MDN1: variants seen among roughly 807,000 people sequenced by gnomAD.
MDN1 encodes the protein midasin.
MDN1 carries 266 observed loss-of-function variants against 669.2 expected under a neutral mutation model. The observed-to-expected ratio is 0.40, with a 90% CI of 0.36 to 0.44. MDN1 has a LOEUF of 0.44. MDN1 is among the 20% of genes least tolerant of loss of function. MDN1 has a pLI of 1.00. For synonymous variants in MDN1, 2,385 were observed against 2,457.1 expected (o/e 0.97, Z 0.87); for missense variants, 5,940 against 6,754.0 (o/e 0.88, Z 4.22).
rs750065976 is a variant in MDN1 at position 89,743,655 on chromosome 6, G to T, written c.4238C>A (p.Ser1413Tyr). ...CTCCATGTGTAAGTGGCAGCTGACA[G>T]AGTATAATTTCTGATTTGCCAAGGC... ...FAALANQKLY[S>Y]VSCHLHMETS... The change falls in exon 30 of 102, where the codon TCT becomes TAT. Residue 1413 changes from serine (S) to tyrosine (Y), a missense_variant. Coordinates refer to ENST00000369393, the MANE Select transcript of MDN1 (RefSeq NM_014611.3). The T allele has an allele frequency of 6.2e-7, 1 of 1,614,132 alleles. No homozygotes were observed. Among genetic ancestry groups the T allele is most frequent in the Non-Finnish European group, 8.5e-7 (1 of 1,179,960 alleles).
rs1562176894 is a variant in MDN1, at chr6:89,749,203, T to C, written c.3762+20A>G. ...TTGATCACCAAGTATAATCAATACA[T>C]TCCATTTGAAACTAAGTACCTGAAG... On this transcript the variant is annotated intron_variant, in intron 26 of 101. Coordinates refer to ENST00000369393, the MANE Select transcript of MDN1 (RefSeq NM_014611.3). 3.1e-6 allele frequency: 5 copies of C among 1,611,916 alleles called. No individual in the cohort carries two copies. The South Asian group carries it at 5.5e-5, about 18-fold the overall frequency.
At chr6:89,652,728 T>A (rs891497244) in intron 94 of MDN1, among the ~76,000 whole-genome samples, 3 of 152,062 alleles carry the variant, frequency 2.0e-5, no homozygotes, top group African/African-American at 7.2e-5. Flanking sequence ...GGGATGTGAG[T>A]CCCAGAGGCC....
chr6:89,772,012 G>A (rs1214596155), intron 14 of MDN1, among the ~76,000 whole-genome samples: 1 of 152,132 alleles, frequency 6.6e-6, no homozygotes, highest in Non-Finnish European at 1.5e-5. Context: ...CAGCAATAAG[G>A]TAAATTTTCA....
intron 43 of MDN1, among the ~76,000 whole-genome samples, 184 bp from the exon 44 acceptor site, chr6:89,716,993 C>T (rs1005259034): frequency 7.2e-5 from 11 of 152,186 alleles, no homozygotes; most frequent in African/African-American, 1.7e-4. Context: ...ACAGAAAATA[C>T]GTTTTAATGG....
At chr6:89,778,609 G>A (rs1025269872) in intron 11 of MDN1, among the ~76,000 whole-genome samples, 4 of 152,068 alleles carry the variant, frequency 2.6e-5, no homozygotes, top group Admixed American at 6.6e-5. Context: ...GGGTGACTGG[G>A]CGCAGTGGCT....
chr6:89,689,939 A>G lies in MDN1; in HGVS notation c.10954T>C (p.Tyr3652His), dbSNP rs772176208. The G allele has an allele frequency of 6.2e-7, 1 of 1,614,128 alleles. No individual in the cohort carries two copies. The highest frequency in any genetic ancestry group is 1.3e-5 in the African/African-American group (1 of 74,946). Residue 3652 changes from tyrosine to histidine, a missense_variant, in exon 65 of 102, where the codon TAC becomes CAC. Around this residue, in one of 5 missense-constraint regions of MDN1, gnomAD observed 2,280 missense variants for 2,576.3 expected, o/e 0.88. Transcript: ENST00000369393. ...TAGCAAGACAGAAACAGGCTGAGGT[A>G]ATGCTTTGCTTCATGTGGCGGCAGA... Reference protein sequence around the residue: ...QTLPPHEAKHYLSLFLSCYQT... With the variant: ...QTLPPHEAKHHLSLFLSCYQT...
chr6:89,787,358 T>C (rs1286107517), intron 8 of MDN1, among the ~76,000 whole-genome samples: 2 of 152,178 alleles, frequency 1.3e-5, no homozygotes, highest in African/African-American at 4.8e-5. Flanking sequence ...TGTTCATGCT[T>C]ATATCCAATT....
Position 89,690,765 on chromosome 6 carries a change from A to G in MDN1, c.10657T>C (p.Tyr3553His). The G allele has an allele frequency of 6.2e-7, 1 of 1,614,044 alleles. No individual in the cohort carries two copies. Among genetic ancestry groups the G allele is most frequent in the Non-Finnish European group, 8.5e-7 (1 of 1,180,002 alleles). The change falls in exon 64 of 102, where the codon TAT becomes CAT. Residue 3553 changes from tyrosine to histidine, a missense_variant. Physicochemically the swap from Tyr to His is moderately conservative, Grantham distance 83. This residue lies in a region of MDN1 where 2,280 missense variants were observed against 2,576.3 expected (regional missense o/e 0.88). Transcript: ENST00000369393. ...QEKAEQESGL[Y>H]RYRSRNSRTA... ...CTAGAGTTCCTGCTCCTGTATCTAT[A>G]CAGGCCGCTTTCCTGCTCAGCCTTC...
rs575169082 is a variant in MDN1 at position 89,701,228 on chromosome 6, T to C, written c.8427+330A>G. Among the ~76,000 whole-genome samples the C allele has an allele frequency of 1.1e-4, 17 of 152,384 alleles. No homozygotes were observed. In the South Asian group the frequency reaches 3.5e-3, roughly 32 times the overall value. On this transcript the variant is annotated intron_variant, in intron 55 of 101. Coordinates refer to ENST00000369393, the MANE Select transcript of MDN1 (RefSeq NM_014611.3). ...TGAACGCATAAGGACTTTTTTATCT[T>C]GTCATTATTACCTAAGCAATACAGT...
At chr6:89,689,429 GA>G (rs202147456) in intron 65 of MDN1, among the ~76,000 whole-genome samples, 1,542 of 152,186 alleles carry the variant, frequency 0.01, 14 homozygotes, top group Middle Eastern at 0.034. Flanking sequence ...ATAATGCCAA[GA>G]AATCATGTAG....
chr6:89,651,334 A>G (rs1455789559), intron 95 of MDN1, among the ~76,000 whole-genome samples: 1 of 147,588 alleles, frequency 6.8e-6, no homozygotes, highest in Admixed American at 6.8e-5. Flanking sequence ...CAAAAAAAAA[A>G]AAAAAAAAAA....
intron 61 of MDN1, among the ~76,000 whole-genome samples, chr6:89,694,854 C>T (rs1250054737): frequency 6.6e-6 from 1 of 152,132 alleles, no homozygotes; most frequent in Non-Finnish European, 1.5e-5. Flanking sequence ...CACCCAGCCT[C>T]TACTTGATTC....
At position 89,658,789 on chromosome 6, in the gene MDN1, C is replaced by A. The variant is rs769657008; in HGVS notation, c.14842G>T (p.Asp4948Tyr). The A allele has an allele frequency of 6.2e-7, 1 of 1,614,226 alleles. No homozygotes were observed. Among genetic ancestry groups the A allele is most frequent in the Non-Finnish European group, 8.5e-7 (1 of 1,180,040 alleles). The change falls in exon 89 of 102, where the codon GAT becomes TAT. Residue 4948 changes from aspartate to tyrosine, a missense_variant. This residue lies in a region of MDN1 where 2,280 missense variants were observed against 2,576.3 expected (regional missense o/e 0.88). Coordinates refer to ENST00000369393, the MANE Select transcript of MDN1 (RefSeq NM_014611.3). The stretch of plus-strand genomic sequence containing the variant: ...TCCTCTTCCCCTTCTGCCTTGTCAT[C>A]TTCACTGGGGCCTTCCTCAGGCTCC... ...PQEPEEGPSE[D>Y]DKAEGEEEMD...
intron 37 of MDN1, among the ~76,000 whole-genome samples, chr6:89,725,900 T>A (rs927621366): frequency 6.6e-6 from 1 of 150,930 alleles, no homozygotes; most frequent in Non-Finnish European, 1.5e-5. Context: ...TTATTTCCCA[T>A]GTATGTTAGA....
intron 84 of MDN1, among the ~76,000 whole-genome samples, chr6:89,665,568 G>A (rs1342184153): frequency 2.6e-5 from 4 of 151,436 alleles, no homozygotes; most frequent in African/African-American, 9.7e-5. Context: ...TTAGCCAGGC[G>A]TGGTGGTGGG....
intron 8 of MDN1, among the ~76,000 whole-genome samples, chr6:89,785,896 G>A (rs1818929566): frequency 6.6e-6 from 1 of 152,112 alleles, no homozygotes; most frequent in Admixed American, 6.6e-5. Flanking sequence ...GTCGTTGGGA[G>A]GCCAAAGCAG....
At chr6:89,752,759 T>A (rs770380786) in intron 22 of MDN1, among the ~76,000 whole-genome samples, 2 of 152,180 alleles carry the variant, frequency 1.3e-5, no homozygotes, top group Non-Finnish European at 2.9e-5. Context: ...TTAGAAGGCA[T>A]GTCACAATGA....
At position 89,723,603 on chromosome 6, in the gene MDN1, A is replaced by T. The variant is rs1263943828; in HGVS notation, c.5687T>A (p.Leu1896His). 6.3e-7 allele frequency: 1 copy of T among 1,577,358 alleles called. No individual in the cohort carries two copies. The highest frequency in any genetic ancestry group is 8.6e-7 in the Non-Finnish European group (1 of 1,160,852). ...AATGAACTCCATGTCAATTACTGTA[A>T]GGGGATCAACGAAGACCTAGAAATC... ...NRFTQVFVDP[L>H]TVIDMEFIAS... Residue 1896 changes from leucine to histidine, a missense_variant, in exon 39 of 102, where the codon CTT becomes CAT. Transcript: ENST00000369393.
intron 1 of MDN1, 52 bp downstream of exon 1, chr6:89,819,454 T>C (rs1445821637): frequency 2.6e-6 from 4 of 1,513,078 alleles, no homozygotes; most frequent in African/African-American, 2.7e-5. Context: ...GGAAGCTTAC[T>C]AGTGGGGCGA....
Sources: gnomAD v4.1 joint callset for allele counts (sites outside exome capture counted in the v4.1 genomes callset) on GRCh38, gnomAD v4.1.1 for gene constraint, gnomAD v4.1.1 regional missense constraint, MANE v1.5 for transcripts, NCBI Gene and HGNC (gene_info 2026-07-23, HGNC 2026-07-21) for gene names.